The following ZNF460 variants were observed in gnomAD, a reference collection of about 807,000 sequenced individuals.
ZNF460 encodes zinc finger protein 460, also known as zinc finger protein 272.
Under a neutral mutation model 8.4 loss-of-function variants are expected in ZNF460, and 1 was observed. The ratio of observed to expected loss-of-function variants is 0.12; its 90% CI spans 0.04 to 0.56. The LOEUF is 0.56. ZNF460 is among the 20% of genes least tolerant of loss of function. The probability of loss-of-function intolerance (pLI) is 0.91; values close to 1 mark genes in which losing one functional copy is unlikely to be tolerated. For missense variants in ZNF460, 477 were observed against 714.8 expected (o/e 0.67, Z 3.79); for synonymous variants, 262 against 259.9 (o/e 1.01, Z -0.08).
At chr19:57,289,020 A>G (rs7251728) in intron 2 of ZNF460, among the ~76,000 whole-genome samples, 68,917 of 120,640 alleles carry the variant, frequency 0.57, 16,791 homozygotes, top group African/African-American at 0.68. Context: ...TTTTTCTAGT[A>G]TTTTCAGGTT....
chr19:57,280,987 A>T (rs900120223), intron 1 of ZNF460, 151 bp downstream of exon 1: 4 of 1,177,792 alleles, frequency 3.4e-6, no homozygotes, highest in Non-Finnish European at 4.9e-6. Context: ...CTTTATCCGC[A>T]GTCCTGCAAC....
In ZNF460 at chr19:57,292,137, G is replaced by T. The variant is rs762945025; in HGVS notation, c.1596G>T (p.Val532=). 2.0e-5 allele frequency: 33 copies of T among 1,614,084 alleles called. No homozygotes were observed. The highest frequency in any genetic ancestry group is 2.8e-5 in the Non-Finnish European group (33 of 1,180,058). The change falls in exon 3 of 3, where the codon GTG becomes GTT. Residue 532 remains valine, a synonymous_variant. Coordinates refer to ENST00000360338, the MANE Select transcript of ZNF460 (RefSeq NM_006635.4). The stretch of plus-strand genomic sequence containing the variant: ...TCATCCACACTGAGAGTAGCCCAGT[G>T]AGTGCAGTGAATATGGAAACGCCTT... ...HSIIHTESSP[V]SAVNMETPSI...
At position 57,280,528 on chromosome 19, in the gene ZNF460, G is replaced by C. The variant is rs1600019088; in HGVS notation, c.-279G>C. The C allele has an allele frequency of 3.8e-6, 2 of 522,944 alleles. No individual in the cohort carries two copies. The highest frequency in any genetic ancestry group is 3.3e-5 in the East Asian group (1 of 30,078). 32.4% of individuals were successfully genotyped at this position (522,944 alleles called of 1,614,324 possible). ...GAGCGCTGGGTGGGCGCGTTCTGCG[G>C]CCTGAGCAGGGACGGGTAGTGAAGC... is the stretch of plus-strand genomic sequence containing the variant. On this transcript the variant is annotated 5_prime_UTR_variant, in exon 1 of 3. Transcript: ENST00000360338.
Position 57,292,181 on chromosome 19 carries a change from CCTCA to C in ZNF460, c.1644_1647del (p.Leu549ThrfsTer6). 1 of 1,614,134 alleles carries C rather than the reference CCTCA, an allele frequency of 6.2e-7. No homozygotes were observed. The highest frequency in any genetic ancestry group is 1.3e-5 in the African/African-American group (1 of 75,054). On this transcript the variant is annotated frameshift_variant, in exon 3 of 3. Coordinates refer to ENST00000360338, the MANE Select transcript of ZNF460 (RefSeq NM_006635.4). LOFTEE classifies it low-confidence loss of function (END_TRUNC). ...ACGCCTTCAATTGCCGCTCATTCCT[CCTCA>C]CTCGACATCAACGGATTCATAGTGG...
chr19:57,291,388 A>G lies in ZNF460; in HGVS notation c.847A>G (p.Asn283Asp), dbSNP rs748574444. Residue 283 changes from asparagine to aspartate, a missense_variant, in exon 3 of 3, where the codon AAT becomes GAT. Physicochemically the swap from Asn to Asp is conservative, Grantham distance 23. This residue lies in a region of ZNF460 where 193 missense variants were observed against 391.7 expected (regional missense o/e 0.49). Transcript: ENST00000360338. This position sits in a 1 kb window ranked among gnomAD's most constrained non-coding sequence, Gnocchi z 8.4. Reference protein sequence around the residue: ...VHSGEKPFVCNECGKAFTYRS... With the variant: ...VHSGEKPFVCDECGKAFTYRS... ...CAGTGGAGAGAAGCCTTTTGTGTGC[A>G]ATGAATGTGGAAAGGCCTTTACCTA... 6.2e-7 allele frequency: 1 copy of G among 1,614,154 alleles called. No individual in the cohort carries two copies. Among genetic ancestry groups the G allele is most frequent in the Non-Finnish European group, 8.5e-7 (1 of 1,180,022 alleles).
chr19:57,291,468 A>T lies in ZNF460; in HGVS notation c.927A>T (p.Ala309=). The T allele has an allele frequency of 1.2e-6, 2 of 1,613,982 alleles. No homozygotes were observed. Among genetic ancestry groups the T allele is most frequent in the South Asian group, 1.1e-5 (1 of 91,080 alleles). The change falls in exon 3 of 3, where the codon GCA becomes GCT. Residue 309 remains alanine, a synonymous_variant. Transcript: ENST00000360338. The surrounding 1 kb of genome is among the most constrained non-coding windows in gnomAD (Gnocchi z 8.4). ...GCCACAATGAGAAGAAACCCTTCGC[A>T]TGCAGCGAATGTGGAAAAGGCTTTT... ...NKSHNEKKPF[A]CSECGKGFYE... is the part of the protein sequence containing the mutation.
chr19:57,288,552 G>A (rs1326842228), intron 2 of ZNF460, among the ~76,000 whole-genome samples: 1 of 152,102 alleles, frequency 6.6e-6, no homozygotes, highest in Non-Finnish European at 1.5e-5. Context: ...GAGAGTTTCT[G>A]TTTTTCAGAT....
rs2087874619 is a variant in ZNF460, at chr19:57,285,691, G to A, written c.157+1014G>A. Among the ~76,000 whole-genome samples, 3 of 152,098 alleles carry A rather than the reference G, an allele frequency of 2.0e-5. 1 individual carries two copies. In the South Asian group the frequency reaches 6.2e-4, roughly 32 times the overall value. On this transcript the variant is annotated intron_variant, in intron 2 of 2. Transcript: ENST00000360338. ...GCAAACGTCTATATGTGGCCAAATC[G>A]CTATTTGGAGTTCCCTCCCAGTTTT...
chr19:57,289,974 G>T, intron 2 of ZNF460, among the ~76,000 whole-genome samples: 1 of 151,738 alleles, frequency 6.6e-6, no homozygotes, highest in East Asian at 2.0e-4. Context: ...GACCTCATCT[G>T]TAAAAATACA....
At chr19:57,286,198 C>T (rs1158861610) in intron 2 of ZNF460, among the ~76,000 whole-genome samples, 4 of 152,114 alleles carry the variant, frequency 2.6e-5, no homozygotes, top group Non-Finnish European at 4.4e-5. Flanking sequence ...AAGTCTGTCC[C>T]GCACCATTTT....
rs774639730 is a variant in ZNF460, at chr19:57,284,613, C to T, written c.93C>T (p.Asp31=). 21 of 1,613,522 alleles carry T rather than the reference C, an allele frequency of 1.3e-5. No homozygotes were observed. Among genetic ancestry groups the T allele is most frequent in the Middle Eastern group, 1.6e-4 (1 of 6,084 alleles). The change falls in exon 2 of 3, where the codon GAC becomes GAT. Residue 31 remains aspartate, a synonymous_variant. Coordinates refer to ENST00000360338, the MANE Select transcript of ZNF460 (RefSeq NM_006635.4). The part of the protein sequence containing the change: ...TFTQEEWGQL[D]VTQRALYVEV... ...CCCAGGAGGAGTGGGGGCAGTTGGA[C>T]GTGACCCAGAGGGCCTTGTACGTGG... is the stretch of plus-strand genomic sequence containing the variant.
chr19:57,290,961 A>G lies in ZNF460; in HGVS notation c.420A>G (p.Ile140Met). 1 of 1,614,254 alleles carries G rather than the reference A, an allele frequency of 6.2e-7. No individual in the cohort carries two copies. Among genetic ancestry groups the G allele is most frequent in the Non-Finnish European group, 8.5e-7 (1 of 1,180,052 alleles). ...CTGATGGTATTTGTTCAATGATGAT[A>G]CAGAACCAAGTCTCACCAGAAGATG... The part of the protein sequence containing the change: ...ATADGICSMM[I>M]QNQVSPEDAL... The change falls in exon 3 of 3, where the codon ATA (isoleucine) becomes ATG (methionine). Residue 140 changes from isoleucine (I) to methionine (M), a missense_variant. Physicochemically the swap from Ile to Met is conservative, Grantham distance 10. Coordinates refer to ENST00000360338, the MANE Select transcript of ZNF460 (RefSeq NM_006635.4).
chr19:57,284,802 A>G, intron 2 of ZNF460, 125 bp downstream of exon 2: 2 of 1,098,358 alleles, frequency 1.8e-6, no homozygotes, highest in Non-Finnish European at 2.4e-6. Flanking sequence ...TGTTTCCCAA[A>G]GCTTTACTCT....
intron 1 of ZNF460, among the ~76,000 whole-genome samples, chr19:57,284,330 G>A (rs1200418257): frequency 1.3e-5 from 2 of 151,804 alleles, no homozygotes; most frequent in Non-Finnish European, 2.9e-5. Flanking sequence ...GGTTCAAGCA[G>A]TTCTCCTGCC....
In ZNF460 at chr19:57,292,765, C is replaced by G. The variant is rs1053675523; in HGVS notation, c.*535C>G. Reference sequence around the variant, plus strand: ...TCCCTGTGTATACATTCACTGCTGTCCAGTGCTGTAGACAAACGGTTTGTT... The same window carrying G: ...TCCCTGTGTATACATTCACTGCTGTGCAGTGCTGTAGACAAACGGTTTGTT... On this transcript the variant is annotated 3_prime_UTR_variant, in exon 3 of 3. Transcript: ENST00000360338. 6.5e-6 allele frequency: 1 copy of G among 155,034 alleles called. No individual in the cohort carries two copies. Among genetic ancestry groups the G allele is most frequent in the Non-Finnish European group, 1.4e-5 (1 of 69,872 alleles). The allele number at this position is 155,034 out of a possible 1,614,324, so 9.6% of individuals were successfully genotyped here.
At position 57,284,449 on chromosome 19, in the gene ZNF460, G is replaced by A. The variant is rs2087864793; in HGVS notation, c.31-102G>A. On this transcript the variant is annotated intron_variant, in intron 1 of 2. Coordinates refer to ENST00000360338, the MANE Select transcript of ZNF460 (RefSeq NM_006635.4). ...CCCTTTGGAGGTGCTTGGTGATTTG[G>A]CCTTTGATTCTCTGTGCATCTTTTG... The A allele has an allele frequency of 7.6e-6, 11 of 1,446,256 alleles. No homozygotes were observed. In the South Asian group the frequency reaches 1.1e-4, roughly 14 times the overall value. The allele number at this position is 1,446,256 out of a possible 1,614,324, so 89.6% of individuals were successfully genotyped here.
Position 57,284,232 on chromosome 19 carries a change from TTTA to T in ZNF460, c.31-316_31-314del, listed in dbSNP as rs1464877970. 1.3e-4 allele frequency among the ~76,000 whole-genome samples: 19 copies of T among 151,660 alleles called. No homozygotes were observed. In the East Asian group the frequency reaches 3.3e-3, roughly 26 times the overall value. On this transcript the variant is annotated intron_variant, in intron 1 of 2. Transcript: ENST00000360338. ...TATTTATTTATTTTTTATTTATTTA[TTTA>T]TTTTTTTTTGAGACAGAGTCTTGCT...
At position 57,280,589 on chromosome 19, in the gene ZNF460, G is replaced by A. The variant is rs979192926; in HGVS notation, c.-218G>A. The A allele has an allele frequency of 1.6e-6, 1 of 611,334 alleles. No individual in the cohort carries two copies. Among genetic ancestry groups the A allele is most frequent in the Non-Finnish European group, 2.9e-6 (1 of 350,458 alleles). The allele number at this position is 611,334 out of a possible 1,614,324, so 37.9% of individuals were successfully genotyped here. The stretch of plus-strand genomic sequence containing the variant: ...CTTCTTCGCGTCTTGGCGGGAGCCT[G>A]ACGCCCCGCTTCTCCCCTAACGAGG... On this transcript the variant is annotated 5_prime_UTR_variant, in exon 1 of 3. Coordinates refer to ENST00000360338, the MANE Select transcript of ZNF460 (RefSeq NM_006635.4).
chr19:57,285,397 G>A (rs1414602727), intron 2 of ZNF460, among the ~76,000 whole-genome samples: 2 of 152,158 alleles, frequency 1.3e-5, no homozygotes, highest in African/African-American at 4.8e-5. Context: ...CGAAGTGACC[G>A]TCTAGTCTTG....
Sources: gnomAD v4.1 joint callset for allele counts (sites outside exome capture counted in the v4.1 genomes callset) on GRCh38, gnomAD v4.1.1 for gene constraint, gnomAD v4.1.1 regional missense constraint, Gnocchi (gnomAD v3.1) non-coding constraint, MANE v1.5 for transcripts, NCBI Gene and HGNC (gene_info 2026-07-23, HGNC 2026-07-21) for gene names.